RAB10: variants seen among roughly 807,000 people sequenced by gnomAD.
RAB10 encodes RAB10, member RAS oncogene family.
RAB10 carries 5 observed loss-of-function variants against 25.7 expected under a neutral mutation model. That is an observed-to-expected ratio of 0.19 (90% CI 0.10 to 0.41). RAB10 has a LOEUF of 0.41. RAB10 is among the 10% of genes least tolerant of loss of function. RAB10 has a pLI of 1.00. For missense variants in RAB10, 103 were observed against 245.8 expected, an observed-to-expected ratio of 0.42 and a Z score of 3.89; for synonymous variants, 89 against 86.4, an observed-to-expected ratio of 1.03 and a Z score of -0.16.
intron 3 of RAB10, among the ~76,000 whole-genome samples, chr2:26,112,696 A>G (rs949199447): frequency 2.6e-5 from 4 of 152,048 alleles, no homozygotes; most frequent in African/African-American, 9.7e-5. Flanking sequence ...CCAAGAATTC[A>G]AGGCTGCAGT....
intron 2 of RAB10, among the ~76,000 whole-genome samples, chr2:26,105,222 G>A (rs959414551): frequency 1.3e-5 from 2 of 152,172 alleles, no homozygotes; most frequent in African/African-American, 4.8e-5. Context: ...ACTCTGGCTG[G>A]TGTGTGGAGA....
intron 1 of RAB10, among the ~76,000 whole-genome samples, chr2:26,088,559 C>T (rs563714575): frequency 6.6e-6 from 1 of 151,962 alleles, no homozygotes; most frequent in Admixed American, 6.6e-5. Context: ...TGACTTTCCT[C>T]TCATCTCTCA....
intron 1 of RAB10, among the ~76,000 whole-genome samples, chr2:26,040,865 C>G (rs1665868362): frequency 6.6e-6 from 1 of 151,966 alleles, no homozygotes; most frequent in Non-Finnish European, 1.5e-5. Context: ...TTGAATTTTT[C>G]TATATATTTT....
At chr2:26,129,043 C>T (rs1380219935) in intron 5 of RAB10, among the ~76,000 whole-genome samples, 4 of 152,098 alleles carry the variant, frequency 2.6e-5, no homozygotes, top group South Asian at 2.1e-4. Flanking sequence ...GAGGCTGAGG[C>T]GGGTGGATCA....
intron 2 of RAB10, among the ~76,000 whole-genome samples, chr2:26,108,177 T>C (rs1006307660): frequency 2.6e-5 from 4 of 152,166 alleles, no homozygotes; most frequent in African/African-American, 9.7e-5. Flanking sequence ...AAATGAAAAA[T>C]TATGTCCACA....
At chr2:26,084,715 T>TTCTGCAGC (rs1666941359) in intron 1 of RAB10, among the ~76,000 whole-genome samples, 1 of 151,738 alleles carries the variant, frequency 6.6e-6, no homozygotes, top group Non-Finnish European at 1.5e-5. Flanking sequence ...ACCCCTTCAG[T>TTCTGCAGC]TTCAGTCGTT....
chr2:26,067,723 A>T (rs916807822), intron 1 of RAB10, among the ~76,000 whole-genome samples: 1 of 152,268 alleles, frequency 6.6e-6, no homozygotes, highest in Admixed American at 6.5e-5. Context: ...TTAAAATGTG[A>T]TAGCTGTTTA....
intron 3 of RAB10, among the ~76,000 whole-genome samples, chr2:26,124,407 T>TTTTTTTTTTTTTTTTTTTTTTTTTTTTTC (rs1667866382): frequency 8.8e-6 from 1 of 113,150 alleles, no homozygotes; most frequent in African/African-American, 3.4e-5. Context: ...TTTTTTTTTT[T>TTTTTTTTTTTTTTTTTTTTTTTTTTTTTC]TTTTTTTTTT....
intron 1 of RAB10, among the ~76,000 whole-genome samples, chr2:26,072,742 A>G (rs1162411620): frequency 6.6e-6 from 1 of 152,246 alleles, no homozygotes; most frequent in African/African-American, 2.4e-5. Context: ...TGGATGCAGA[A>G]GCAGGTATAA....
chr2:26,056,563 C>T (rs1666272309), intron 1 of RAB10, among the ~76,000 whole-genome samples: 1 of 152,078 alleles, frequency 6.6e-6, no homozygotes, highest in Non-Finnish European at 1.5e-5. Context: ...AGAAATTAGT[C>T]TTTTATCAAT....
At chr2:26,068,432 T>G (rs1422945311) in intron 1 of RAB10, among the ~76,000 whole-genome samples, 1 of 152,246 alleles carries the variant, frequency 6.6e-6, no homozygotes, top group Non-Finnish European at 1.5e-5. Flanking sequence ...TGGAATTTTC[T>G]AATTAAAGAC....
At chr2:26,114,343 A>G (rs971951704) in intron 3 of RAB10, among the ~76,000 whole-genome samples, 1 of 152,208 alleles carries the variant, frequency 6.6e-6, no homozygotes, top group African/African-American at 2.4e-5. Context: ...TTAAAACTTA[A>G]CCGCAAAGCC....
intron 1 of RAB10, among the ~76,000 whole-genome samples, chr2:26,091,384 G>A (rs1667103017): frequency 6.6e-6 from 1 of 152,102 alleles, no homozygotes; most frequent in South Asian, 2.1e-4. Flanking sequence ...GATGAGAAAG[G>A]TAGTCAGAGG....
chr2:26,098,109 C>CTTTTTTTTTTTTTTTTTTTTTTCTTT (rs1667263641), intron 1 of RAB10, among the ~76,000 whole-genome samples: 1 of 52,726 alleles, frequency 1.9e-5, no homozygotes, highest in Admixed American at 2.9e-4. Context: ...TTCTTTCTTT[C>CTTTTTTTTTTTTTTTTTTTTTTCTTT]TTTTTTTTTT....
chr2:26,046,317 C>G (rs1188230867), intron 1 of RAB10, among the ~76,000 whole-genome samples: 2 of 149,316 alleles, frequency 1.3e-5, no homozygotes. Flanking sequence ...AAGAGTGAAA[C>G]TCCGTCTCAA....
intron 5 of RAB10, 144 bp downstream of exon 5, chr2:26,128,095 AC>A (rs770047142): frequency 2.3e-4 from 164 of 715,638 alleles, no homozygotes; most frequent in Non-Finnish European, 3.7e-4. Flanking sequence ...CCTTTTTGGC[AC>A]CAAGGACTGG....
At chr2:26,114,394 A>G (rs984671525) in intron 3 of RAB10, among the ~76,000 whole-genome samples, 5 of 152,216 alleles carry the variant, frequency 3.3e-5, no homozygotes, top group African/African-American at 9.6e-5. Context: ...AAGGATAGTC[A>G]TAAAGATTGA....
chr2:26,117,040 T>C (rs1013898207), intron 3 of RAB10, among the ~76,000 whole-genome samples: 7 of 152,214 alleles, frequency 4.6e-5, no homozygotes, highest in African/African-American at 1.7e-4. Flanking sequence ...GAAGAATTTA[T>C]ATACTCTTAA....
chr2:26,102,014 C>G (rs1387271073), intron 2 of RAB10: 1 of 152,454 alleles, frequency 6.6e-6, no homozygotes, highest in Non-Finnish European at 1.5e-5. Flanking sequence ...TTGTCCTTGT[C>G]CTTGCCTCCT....
Sources: gnomAD v4.1 joint callset for allele counts (sites outside exome capture counted in the v4.1 genomes callset) on GRCh38, gnomAD v4.1.1 for gene constraint, MANE v1.5 for transcripts, NCBI Gene and HGNC (gene_info 2026-07-23, HGNC 2026-07-21) for gene names.